The following SPOCK1 variants were observed in gnomAD, a reference collection of about 807,000 sequenced individuals.
SPOCK1 encodes the protein testican-1.
In SPOCK1, 23 loss-of-function variants were observed where a neutral mutation model predicts 55.3. The observed-to-expected ratio is 0.42, with a 90% CI of 0.30 to 0.59. SPOCK1 has a LOEUF of 0.59. Ranked by LOEUF, SPOCK1 falls within the 20% of genes least tolerant of loss-of-function variation. The pLI, the probability that SPOCK1 is intolerant of heterozygous loss-of-function variation, is 0.22. For missense variants in SPOCK1, 499 were observed against 552.5 expected, an observed-to-expected ratio of 0.90 and a Z score of 0.97; for synonymous variants, 226 against 221.0, an observed-to-expected ratio of 1.02 and a Z score of -0.20.
At chr5:137,447,312 G>T (rs1391968399) in intron 2 of SPOCK1, among the ~76,000 whole-genome samples, 1 of 152,192 alleles carries the variant, frequency 6.6e-6, no homozygotes, top group Non-Finnish European at 1.5e-5. Context: ...CCACACTAAA[G>T]GACTGTCGTG....
chr5:137,222,568 G>C (rs1389259564), intron 3 of SPOCK1, among the ~76,000 whole-genome samples: 1 of 152,140 alleles, frequency 6.6e-6, no homozygotes, highest in Non-Finnish European at 1.5e-5. Flanking sequence ...TCACATATCT[G>C]TCAAGTGGTT....
intron 6 of SPOCK1, among the ~76,000 whole-genome samples, chr5:137,001,285 A>T: frequency 6.6e-6 from 1 of 152,204 alleles, no homozygotes. Context: ...GTGTTTGTGG[A>T]CACAGAGCAG....
At chr5:136,992,761 CAA>C (rs1750973069) in intron 6 of SPOCK1, 161 bp from the exon 7 acceptor site, 1 of 529,026 alleles carries the variant, frequency 1.9e-6, no homozygotes, top group African/African-American at 1.9e-5. Context: ...TTAGTACAAA[CAA>C]AGAGTGGGAC....
At chr5:137,440,045 A>G (rs973598093) in intron 2 of SPOCK1, among the ~76,000 whole-genome samples, 2 of 152,190 alleles carry the variant, frequency 1.3e-5, no homozygotes, top group Non-Finnish European at 2.9e-5. Flanking sequence ...AGAGGGGAAA[A>G]GAAAGTAAAA....
intron 7 of SPOCK1, among the ~76,000 whole-genome samples, chr5:136,990,745 C>T (rs1038966994): frequency 6.6e-6 from 1 of 152,008 alleles, no homozygotes; most frequent in African/African-American, 2.4e-5. Context: ...TATAGGATAT[C>T]GATATTTTAA....
At chr5:137,266,354 G>A (rs542102820) in intron 3 of SPOCK1, among the ~76,000 whole-genome samples, 1 of 152,282 alleles carries the variant, frequency 6.6e-6, no homozygotes, top group African/African-American at 2.4e-5. Flanking sequence ...ACGGGGGAAG[G>A]GATGTGATTC....
chr5:137,127,059 C>T (rs1401778674), intron 4 of SPOCK1, among the ~76,000 whole-genome samples: 2 of 152,102 alleles, frequency 1.3e-5, no homozygotes, highest in African/African-American at 2.4e-5. Flanking sequence ...AGAGAGAATG[C>T]CAAGGGTGTG....
chr5:137,469,547 G>T (rs1221814116), intron 2 of SPOCK1, among the ~76,000 whole-genome samples: 1 of 152,090 alleles, frequency 6.6e-6, no homozygotes, highest in Non-Finnish European at 1.5e-5. Context: ...GAGTTGAAAA[G>T]TTAAATAGGT....
At chr5:137,328,272 C>T (rs1469462605) in intron 2 of SPOCK1, among the ~76,000 whole-genome samples, 3 of 152,242 alleles carry the variant, frequency 2.0e-5, no homozygotes, top group Non-Finnish European at 4.4e-5. Context: ...TATGCCCATC[C>T]TCATCTGTAC....
Position 137,229,846 on chromosome 5 carries a change from T to C in SPOCK1, c.232+37164A>G, listed in dbSNP as rs367945403. Among the ~76,000 whole-genome samples the C allele has an allele frequency of 5.9e-5, 9 of 152,190 alleles. No individual in the cohort carries two copies. The East Asian group carries it at 1.5e-3, about 26-fold the overall frequency. ...GGTCCCTCACATGTACAGCTCACAA[T>C]AGGGTTCGTACTCCTATGAGAATCT... On this transcript the variant is annotated intron_variant, in intron 3 of 10. Coordinates refer to ENST00000394945, the MANE Select transcript of SPOCK1 (RefSeq NM_004598.4).
chr5:137,055,407 T>G (rs1426206825), intron 6 of SPOCK1, among the ~76,000 whole-genome samples: 1 of 152,184 alleles, frequency 6.6e-6, no homozygotes, highest in African/African-American at 2.4e-5. Flanking sequence ...GCTTTAAATT[T>G]TAAATATAGC....
intron 6 of SPOCK1, among the ~76,000 whole-genome samples, chr5:137,027,850 T>C (rs2126983964): frequency 6.6e-6 from 1 of 152,222 alleles, no homozygotes; most frequent in East Asian, 1.9e-4. Flanking sequence ...GTAGAGACCT[T>C]GTAGCTGCAC....
intron 3 of SPOCK1, among the ~76,000 whole-genome samples, chr5:137,202,064 C>A (rs1204575421): frequency 6.6e-6 from 1 of 152,184 alleles, no homozygotes; most frequent in Non-Finnish European, 1.5e-5. Context: ...TGCTAAGGAA[C>A]AATACGTGGC....
chr5:137,159,042 A>T (rs1754476055), intron 3 of SPOCK1, among the ~76,000 whole-genome samples: 1 of 152,154 alleles, frequency 6.6e-6, no homozygotes, highest in African/African-American at 2.4e-5. Context: ...TGCAGGAATC[A>T]GATGCTCCCC....
At position 137,356,011 on chromosome 5, in the gene SPOCK1, C is replaced by G. The variant is rs777488080; in HGVS notation, c.187-88956G>C. 2.0e-5 allele frequency among the ~76,000 whole-genome samples: 3 copies of G among 152,202 alleles called. No individual in the cohort carries two copies. The East Asian group carries it at 5.8e-4, about 29-fold the overall frequency. On this transcript the variant is annotated intron_variant, in intron 2 of 10. Transcript: ENST00000394945. The stretch of plus-strand genomic sequence containing the variant: ...TTCTTCCAGCCGTCACTTCCACTAC[C>G]CTCCTGTTGGAAGGAACCTATGTAC...
At chr5:137,212,838 G>A (rs551332252) in intron 3 of SPOCK1, among the ~76,000 whole-genome samples, 2 of 152,192 alleles carry the variant, frequency 1.3e-5, no homozygotes, top group African/African-American at 2.4e-5. Flanking sequence ...AGCCTCAAGC[G>A]GTTGGCTGGA....
intron 2 of SPOCK1, among the ~76,000 whole-genome samples, chr5:137,373,850 T>C (rs1403504791): frequency 1.3e-5 from 2 of 152,246 alleles, no homozygotes; most frequent in Admixed American, 6.5e-5. Flanking sequence ...GGGTGGGTCA[T>C]TTAACTGGTC....
At chr5:137,272,419 A>G (rs1270366557) in intron 2 of SPOCK1, among the ~76,000 whole-genome samples, 1 of 152,180 alleles carries the variant, frequency 6.6e-6, no homozygotes, top group East Asian at 1.9e-4. Flanking sequence ...TGCAATGGAA[A>G]TCTCTGCTAA....
chr5:137,248,064 G>A (rs945469733), intron 3 of SPOCK1, among the ~76,000 whole-genome samples: 5 of 151,772 alleles, frequency 3.3e-5, no homozygotes, highest in Non-Finnish European at 7.4e-5. Flanking sequence ...AAAGGCTTTG[G>A]GTTAACTGTT....
Sources: gnomAD v4.1 joint callset for allele counts (sites outside exome capture counted in the v4.1 genomes callset) on GRCh38, gnomAD v4.1.1 for gene constraint, MANE v1.5 for transcripts, NCBI Gene and HGNC (gene_info 2026-07-23, HGNC 2026-07-21) for gene names.